Variants in NAV1 observed in about 807,000 individuals in gnomAD.
NAV1 encodes the protein pore membrane and/or filament interacting like protein 3.
Under a neutral mutation model 175.2 loss-of-function variants are expected in NAV1, and 18 were observed. That is an observed-to-expected ratio of 0.10 (90% CI 0.07 to 0.15). The LOEUF is 0.15. Ranked by LOEUF, NAV1 falls within the 10% of genes least tolerant of loss-of-function variation. The probability of loss-of-function intolerance (pLI) is 1.00; values close to 1 mark genes in which losing one functional copy is unlikely to be tolerated. For missense variants in NAV1, 1,731 were observed against 2,436.6 expected, an observed-to-expected ratio of 0.71 and a Z score of 6.10; for synonymous variants, 897 against 978.7, an observed-to-expected ratio of 0.92 and a Z score of 1.56.
chr1:201,745,319 T>C (rs976586032), intron 3 of NAV1, among the ~76,000 whole-genome samples: 2 of 152,198 alleles, frequency 1.3e-5, no homozygotes, highest in Non-Finnish European at 2.9e-5. Flanking sequence ...TTGAGCATAA[T>C]CAAGGAATGC....
At chr1:201,646,386 A>T (rs1668979155), upstream of NAV1, among the ~76,000 whole-genome samples, 1 of 152,090 alleles carries the variant, frequency 6.6e-6, no homozygotes, top group Admixed American at 6.5e-5. Context: ...ATATACACCC[A>T]TGTCCGTCTA....
intron 1 of NAV1, among the ~76,000 whole-genome samples, chr1:201,650,016 T>C (rs536187858): frequency 1.3e-5 from 2 of 152,286 alleles, no homozygotes; most frequent in South Asian, 2.1e-4. Flanking sequence ...CTGCCAGCTG[T>C]GCGCATCTGG....
In NAV1 at chr1:201,542,694, C is replaced by T. The variant is rs1001714507; in HGVS notation, c.-144+3352C>T. Among the ~76,000 whole-genome samples, 15 of 152,294 alleles carry T rather than the reference C, an allele frequency of 9.8e-5. 1 individual carries two copies. In the South Asian group the frequency reaches 3.1e-3, roughly 32 times the overall value. The stretch of plus-strand genomic sequence containing the variant: ...TGTGGTTCAGGTTCTTACACATGTC[C>T]TGTGCAGTTCACACTACCACCCCAT... On this transcript the variant is annotated intron_variant, in intron 1 of 33. Coordinates refer to the NAV1 transcript ENST00000685211.
intron 2 of NAV1, among the ~76,000 whole-genome samples, chr1:201,599,903 G>A (rs1667471189): frequency 6.6e-6 from 1 of 152,196 alleles, no homozygotes; most frequent in African/African-American, 2.4e-5. Context: ...ATACAATCTT[G>A]TCTCAGCTTC....
At chr1:201,641,782 C>A (rs1668759181) in intron 2 of NAV1, among the ~76,000 whole-genome samples, 1 of 152,172 alleles carries the variant, frequency 6.6e-6, no homozygotes. Context: ...CTCTCCAGAT[C>A]CTGACTGTGG....
intron 1 of NAV1, among the ~76,000 whole-genome samples, chr1:201,709,949 C>T (rs558590854): frequency 1.1e-4 from 17 of 152,054 alleles, no homozygotes; most frequent in African/African-American, 3.6e-4. Context: ...TGTGGTTTGG[C>T]GACTCTGGGA....
chr1:201,615,056 A>AAAGT (rs1197843636), intron 2 of NAV1, among the ~76,000 whole-genome samples: 12 of 152,236 alleles, frequency 7.9e-5, no homozygotes, highest in African/African-American at 2.9e-4. Flanking sequence ...AGGAGAGAGA[A>AAAGT]AAGTGTGTTG....
At position 201,782,127 on chromosome 1, in the gene NAV1, A is replaced by G. The variant is rs1182020090; in HGVS notation, c.1664-49A>G. Reference sequence around the variant, plus strand: ...GAGGGAAAGAAAAGGGTGGGTTTTTAAGATACTGGTCAGTTTCAGCTCTTT... The same window carrying G: ...GAGGGAAAGAAAAGGGTGGGTTTTTGAGATACTGGTCAGTTTCAGCTCTTT... On this transcript the variant is annotated intron_variant, in intron 5 of 29. Coordinates refer to ENST00000367296, the Ensembl canonical transcript of NAV1. The surrounding 1 kb of genome is among the most constrained non-coding windows in gnomAD (Gnocchi z 5.4). The G allele has an allele frequency of 6.7e-7, 1 of 1,489,136 alleles. No individual in the cohort carries two copies. Among genetic ancestry groups the G allele is most frequent in the Admixed American group, 2.2e-5 (1 of 45,312 alleles). The allele number at this position is 1,489,136 out of a possible 1,614,324, so 92.2% of individuals were successfully genotyped here.
At chr1:201,757,715 G>A (rs1367810912) in intron 3 of NAV1, among the ~76,000 whole-genome samples, 3 of 152,162 alleles carry the variant, frequency 2.0e-5, no homozygotes, top group African/African-American at 4.8e-5. Context: ...TTCATCCAGC[G>A]AGGCACAAGA....
intron 1 of NAV1, among the ~76,000 whole-genome samples, chr1:201,545,301 G>C (rs1404347905): frequency 6.6e-6 from 1 of 152,056 alleles, no homozygotes; most frequent in Admixed American, 6.5e-5. Flanking sequence ...ACCTGACTCA[G>C]TCTCTGGGAT....
intron 1 of NAV1, among the ~76,000 whole-genome samples, chr1:201,658,985 G>A (rs1212789845): frequency 6.6e-6 from 1 of 152,196 alleles, no homozygotes; most frequent in Non-Finnish European, 1.5e-5. Context: ...TGTTCCAGTT[G>A]CCATGCCCTG....
At chr1:201,584,606 G>A (rs914254048) in intron 1 of NAV1, among the ~76,000 whole-genome samples, 2 of 152,208 alleles carry the variant, frequency 1.3e-5, no homozygotes, top group African/African-American at 4.8e-5. Flanking sequence ...GTTCCAGCTT[G>A]TGATGTGCCT....
At chr1:201,793,909 T>TGGGTGTGGGGGGGGGGGGGGGGCC in intron 14 of NAV1, 34 bp downstream of exon 18, 1 of 516,476 alleles carries the variant, frequency 1.9e-6, no homozygotes, top group East Asian at 5.7e-5. Context: ...GAGGGGTGGG[T>TGGGTGTGGGGGGGGGGGGGGGGCC]GCGGCGAGGG....
intron 2 of NAV1, among the ~76,000 whole-genome samples, chr1:201,640,856 T>G (rs1668732671): frequency 6.6e-6 from 1 of 152,186 alleles, no homozygotes; most frequent in Non-Finnish European, 1.5e-5. Flanking sequence ...TCACCAAATA[T>G]TTTTGAGAGC....
rs1031375038 is a variant in NAV1 at position 201,812,049 on chromosome 1, A to C, written c.5024+75A>C. The C allele has an allele frequency of 3.7e-6, 5 of 1,352,642 alleles. No individual in the cohort carries two copies. In the African/African-American group the frequency reaches 7.2e-5, roughly 19 times the overall value. 83.8% of individuals were successfully genotyped at this position (1,352,642 alleles called of 1,614,324 possible). A position where few individuals can be genotyped will look rare whatever the true frequency, so the allele number is the denominator to read the frequency against. On this transcript the variant is annotated intron_variant, in intron 26 of 29. Coordinates refer to ENST00000367296, the Ensembl canonical transcript of NAV1. This position sits in a 1 kb window ranked among gnomAD's most constrained non-coding sequence, Gnocchi z 4.6. ...CAATCCTGGACTCTGGCCAGGAGGCAGTAGATAGGAGAAGGAAAGAGAAGT... is the reference window on the plus strand; with the variant it reads ...CAATCCTGGACTCTGGCCAGGAGGCCGTAGATAGGAGAAGGAAAGAGAAGT...
At chr1:201,649,016 C>T in exon 1 of NAV1, 2 of 1,613,560 alleles carry the variant, frequency 1.2e-6, no homozygotes, top group South Asian at 2.2e-5. Flanking sequence ...ACGATATGGC[C>T]AAGGCGCCCA....
chr1:201,821,058 A>G (rs1232519565), exon 30 of NAV1: 2 of 152,252 alleles, frequency 1.3e-5, no homozygotes, highest in Non-Finnish European at 2.9e-5. Context: ...TTCCCTTTTG[A>G]GAGCACACGT....
chr1:201,740,082 C>T lies in NAV1; in HGVS notation c.1226+21327C>T. On this transcript the variant is annotated intron_variant, in intron 3 of 29. Transcript: ENST00000367296. This position sits in a 1 kb window ranked among gnomAD's most constrained non-coding sequence, Gnocchi z 4.7. The stretch of plus-strand genomic sequence containing the variant: ...ACGGTGAATTTCCCCCGCAGGTAAG[C>T]GCCCCCACCCCCCTGGCCTCACCGC... 1 of 1,453,648 alleles carries T rather than the reference C, an allele frequency of 6.9e-7. No homozygotes were observed. Among genetic ancestry groups the T allele is most frequent in the Non-Finnish European group, 9.1e-7 (1 of 1,101,308 alleles). 90.0% of individuals were successfully genotyped at this position (1,453,648 alleles called of 1,614,324 possible).
chr1:201,662,220 C>A (rs79737438), intron 1 of NAV1, among the ~76,000 whole-genome samples: 1 of 151,894 alleles, frequency 6.6e-6, no homozygotes, highest in East Asian at 1.9e-4. Flanking sequence ...CCCACTCTGA[C>A]GTTTCCTATA....
Sources: allele counts gnomAD v4.1 joint callset (sites outside exome capture counted in the v4.1 genomes callset), GRCh38; gene constraint gnomAD v4.1.1; non-coding constraint Gnocchi (gnomAD v3.1); transcripts MANE v1.5; gene names NCBI Gene and HGNC (gene_info 2026-07-23, HGNC 2026-07-21).